Variants in RHOJ observed in about 807,000 individuals in gnomAD.
RHOJ encodes the protein rho-related GTP-binding protein RhoJ.
A neutral mutation model predicts 23.4 loss-of-function variants in RHOJ; 11 were observed. The observed-to-expected ratio is 0.47, with a 90% confidence interval of 0.30 to 0.78. The LOEUF (loss-of-function observed/expected upper bound fraction) is 0.78, where lower values mean the gene tolerates loss of function less well. Ranked by LOEUF, RHOJ falls within the 30% of genes least tolerant of loss-of-function variation. The pLI is 0.08. For missense variants in RHOJ, 254 were observed against 273.4 expected (o/e 0.93, Z 0.50); for synonymous variants, 102 against 102.7 (o/e 0.99, Z 0.04).
intron 1 of RHOJ, among the ~76,000 whole-genome samples, chr14:63,252,717 C>G (rs1895093776): frequency 6.6e-6 from 1 of 152,190 alleles, no homozygotes; most frequent in African/African-American, 2.4e-5. Context: ...CTCCCTCACT[C>G]CTCCATGCCT....
At chr14:63,274,183 T>C (rs532417583) in intron 2 of RHOJ, among the ~76,000 whole-genome samples, 14 of 152,338 alleles carry the variant, frequency 9.2e-5, no homozygotes, top group African/African-American at 3.1e-4. Flanking sequence ...CCCTTTGCTA[T>C]TGGCTGATCC....
chr14:63,271,673 C>T (rs1448737328), intron 2 of RHOJ, among the ~76,000 whole-genome samples: 3 of 152,266 alleles, frequency 2.0e-5, no homozygotes, highest in Non-Finnish European at 4.4e-5. Flanking sequence ...TGGATCACTG[C>T]AACCTCCGCT....
intron 1 of RHOJ, among the ~76,000 whole-genome samples, chr14:63,237,656 G>A (rs1894813335): frequency 6.6e-6 from 1 of 152,146 alleles, no homozygotes; most frequent in Non-Finnish European, 1.5e-5. Context: ...TTCGTCTTCT[G>A]GTTTTCCAAA....
intron 1 of RHOJ, among the ~76,000 whole-genome samples, chr14:63,238,755 ACAGT>A (rs1273525197): frequency 1.3e-5 from 2 of 152,140 alleles, no homozygotes; most frequent in Non-Finnish European, 1.5e-5. Context: ...GATGGTAAAC[ACAGT>A]CAGCATGGAG....
intron 4 of RHOJ, among the ~76,000 whole-genome samples, chr14:63,285,053 T>C (rs1338128622): frequency 6.6e-6 from 1 of 152,244 alleles, no homozygotes; most frequent in Non-Finnish European, 1.5e-5. Flanking sequence ...CATGTAATTA[T>C]AGAGATGCTT....
intron 1 of RHOJ, among the ~76,000 whole-genome samples, chr14:63,246,977 T>C (rs2139636493): frequency 6.6e-6 from 1 of 152,302 alleles, no homozygotes; most frequent in South Asian, 2.1e-4. Flanking sequence ...TAATCCATTT[T>C]AACTGTTCCC....
intron 1 of RHOJ, among the ~76,000 whole-genome samples, chr14:63,221,642 C>A (rs1894496105): frequency 1.3e-5 from 2 of 152,132 alleles, no homozygotes; most frequent in African/African-American, 4.8e-5. Flanking sequence ...TTTTAAACTC[C>A]AAAATGAGAA....
chr14:63,277,151 C>G (rs893164542), intron 2 of RHOJ, among the ~76,000 whole-genome samples: 3 of 152,190 alleles, frequency 2.0e-5, no homozygotes, highest in Non-Finnish European at 4.4e-5. Context: ...CTAAATACCC[C>G]ATCCTGGTAT....
intron 2 of RHOJ, among the ~76,000 whole-genome samples, chr14:63,270,156 G>A (rs1895441231): frequency 6.9e-6 from 1 of 144,876 alleles, no homozygotes; most frequent in African/African-American, 2.6e-5. Flanking sequence ...TTGTAGCGAT[G>A]CATTCGTCTA....
intron 2 of RHOJ, among the ~76,000 whole-genome samples, chr14:63,280,282 C>A (rs1881856206): frequency 6.6e-6 from 1 of 152,138 alleles, no homozygotes; most frequent in South Asian, 2.1e-4. Flanking sequence ...GCCTTGGCTT[C>A]CAAAGTGCTG....
chr14:63,254,983 T>G (rs1446963083), intron 1 of RHOJ, among the ~76,000 whole-genome samples: 1 of 152,212 alleles, frequency 6.6e-6, no homozygotes, highest in Non-Finnish European at 1.5e-5. Context: ...CCCAGCCTTC[T>G]TGGCCCCCAT....
At chr14:63,256,754 A>G (rs959336633) in intron 1 of RHOJ, among the ~76,000 whole-genome samples, 1 of 152,178 alleles carries the variant, frequency 6.6e-6, no homozygotes, top group Admixed American at 6.5e-5. Flanking sequence ...CCTGGCCAAC[A>G]TGGTGAAACC....
At chr14:63,267,933 C>T (rs532543144) in intron 1 of RHOJ, among the ~76,000 whole-genome samples, 48 of 152,152 alleles carry the variant, frequency 3.2e-4, no homozygotes, top group Admixed American at 3.0e-3. Context: ...TTTCAAAGAA[C>T]GAGCCATTAA....
chr14:63,269,519 C>T (rs1258094969), intron 2 of RHOJ, among the ~76,000 whole-genome samples: 2 of 152,092 alleles, frequency 1.3e-5, no homozygotes, highest in African/African-American at 2.4e-5. Flanking sequence ...TTTAGTTCCA[C>T]ACATGTTTTT....
intron 1 of RHOJ, among the ~76,000 whole-genome samples, chr14:63,267,604 T>C (rs576263773): frequency 6.6e-6 from 1 of 152,336 alleles, no homozygotes; most frequent in Non-Finnish European, 1.5e-5. Flanking sequence ...TTCAGAAACA[T>C]CTGACTGGGC....
chr14:63,268,992 A>C, intron 1 of RHOJ, 118 bp from the exon 2 acceptor site: 1 of 700,344 alleles, frequency 1.4e-6, no homozygotes. Flanking sequence ...TACATGAGCG[A>C]GGCATATGCT....
chr14:63,286,987 C>G (rs1453218450), intron 4 of RHOJ, among the ~76,000 whole-genome samples: 2 of 152,162 alleles, frequency 1.3e-5, no homozygotes, highest in Non-Finnish European at 1.5e-5. Context: ...TGTGCCTTTG[C>G]TAATTCTCAA....
At chr14:63,288,381 C>A in intron 4 of RHOJ, 1 of 970,032 alleles carries the variant, frequency 1.0e-6, no homozygotes, top group Non-Finnish European at 1.2e-6. Flanking sequence ...GGCTTGGGAT[C>A]CTTAGTGGAG....
At chr14:63,261,243 A>C (rs1895266892) in intron 1 of RHOJ, among the ~76,000 whole-genome samples, 1 of 151,790 alleles carries the variant, frequency 6.6e-6, no homozygotes, top group East Asian at 1.9e-4. Flanking sequence ...TTTTGGGTTA[A>C]TCCTTATTGA....
Sources: allele counts gnomAD v4.1 joint callset (sites outside exome capture counted in the v4.1 genomes callset), GRCh38; gene constraint gnomAD v4.1.1; transcripts MANE v1.5; gene names NCBI Gene and HGNC (gene_info 2026-07-23, HGNC 2026-07-21).